The following ZFAT variants were observed in gnomAD, a reference collection of about 807,000 sequenced individuals.
ZFAT encodes the protein zinc finger protein ZFAT.
Under a neutral mutation model 117.7 loss-of-function variants are expected in ZFAT, and 64 were observed. The ratio of observed to expected loss-of-function variants is 0.54; its 90% CI spans 0.44 to 0.67. The LOEUF (loss-of-function observed/expected upper bound fraction) is 0.67. ZFAT is among the 30% of genes least tolerant of loss of function. The pLI is 0.00. For synonymous variants in ZFAT, 679 were observed against 615.0 expected, an observed-to-expected ratio of 1.10 and a Z score of -1.54; for missense variants, 1,433 against 1,584.5, an observed-to-expected ratio of 0.90 and a Z score of 1.62.
the ZFAT span, among the ~76,000 whole-genome samples, chr8:134,790,845 T>G: frequency 6.6e-6 from 1 of 151,762 alleles, no homozygotes; most frequent in Admixed American, 6.6e-5. Context: ...TGAGACTCCA[T>G]CTCTACAAAA....
intron 15 of ZFAT, among the ~76,000 whole-genome samples, chr8:134,490,557 CATCAG>C (rs1817980294): frequency 6.6e-6 from 1 of 152,174 alleles, no homozygotes; most frequent in South Asian, 2.1e-4. Context: ...CATGAGGGGC[CATCAG>C]ATGTACTGCT....
intron 11 of ZFAT, among the ~76,000 whole-genome samples, chr8:134,562,273 C>T (rs540011332): frequency 9.2e-5 from 14 of 152,156 alleles, no homozygotes; most frequent in African/African-American, 3.1e-4. Flanking sequence ...CCTGCCAACA[C>T]CTTGATTTTA....
chr8:134,528,990 G>T (rs955854199), intron 12 of ZFAT, among the ~76,000 whole-genome samples: 1 of 152,188 alleles, frequency 6.6e-6, no homozygotes, highest in Non-Finnish European at 1.5e-5. Context: ...AGAACTTACT[G>T]TCGGCACTCT....
intron 15 of ZFAT, among the ~76,000 whole-genome samples, chr8:134,486,375 C>T (rs907166223): frequency 1.2e-4 from 18 of 152,106 alleles, no homozygotes; most frequent in African/African-American, 3.6e-4. Context: ...GAAACTCCAC[C>T]GACACCTCTG....
chr8:134,693,367 C>T (rs1276320795), intron 1 of ZFAT, among the ~76,000 whole-genome samples: 1 of 152,070 alleles, frequency 6.6e-6, no homozygotes, highest in Non-Finnish European at 1.5e-5. Context: ...ATCTGAGCAC[C>T]AAATTAAACA....
upstream of ZFAT, among the ~76,000 whole-genome samples, chr8:134,718,007 T>G (rs1814230873): frequency 1.3e-5 from 2 of 152,160 alleles, no homozygotes; most frequent in African/African-American, 4.8e-5. Context: ...ATAACAACTG[T>G]TTTTACAAAG....
chr8:134,831,064 C>A, the ZFAT span, among the ~76,000 whole-genome samples: 177 of 152,324 alleles, frequency 1.2e-3, no homozygotes, highest in African/African-American at 4.1e-3. Context: ...TTAACCCTGG[C>A]AGTTACAACT....
chr8:134,664,031 G>A (rs1404247300), intron 1 of ZFAT, among the ~76,000 whole-genome samples: 6 of 152,148 alleles, frequency 3.9e-5, no homozygotes, highest in East Asian at 1.9e-4. Flanking sequence ...GGGAAGTTAC[G>A]GGAGGAGGCA....
chr8:134,732,411 A>G, the ZFAT span, among the ~76,000 whole-genome samples: 1 of 152,184 alleles, frequency 6.6e-6, no homozygotes, highest in Non-Finnish European at 1.5e-5. Flanking sequence ...CTGATGAGGA[A>G]GGGGCTTGTC....
At chr8:134,608,153 A>G (rs1828033068) in intron 5 of ZFAT, among the ~76,000 whole-genome samples, 1 of 152,278 alleles carries the variant, frequency 6.6e-6, no homozygotes, top group South Asian at 2.1e-4. Context: ...TTTTAAAAAA[A>G]AGTTGAAAAC....
intron 10 of ZFAT, 101 bp from the exon 11 acceptor site, chr8:134,565,522 C>T: frequency 9.1e-7 from 1 of 1,093,926 alleles, no homozygotes; most frequent in Non-Finnish European, 1.4e-6. Flanking sequence ...GTGTTCCTTG[C>T]CATGTGAGGA....
the ZFAT span, among the ~76,000 whole-genome samples, chr8:134,772,966 C>T: frequency 2.6e-5 from 4 of 151,946 alleles, no homozygotes; most frequent in Non-Finnish European, 5.9e-5. Context: ...GCAGCATACA[C>T]CTGTAGTCCC....
chr8:134,509,480 T>A, intron 15 of ZFAT, 139 bp downstream of exon 15: 1 of 1,155,958 alleles, frequency 8.7e-7, no homozygotes, highest in Non-Finnish European at 1.2e-6. Context: ...AGAGGTAGAA[T>A]AAGAAAAGGT....
At chr8:134,603,016 C>A (rs1586797550) in intron 5 of ZFAT, 83 bp from the exon 6 acceptor site, 6 of 1,526,224 alleles carry the variant, frequency 3.9e-6, no homozygotes, top group Non-Finnish European at 4.4e-6. Flanking sequence ...GAACCAAACA[C>A]TAAAGGCTGA....
At chr8:134,819,514 C>T in the ZFAT span, among the ~76,000 whole-genome samples, 1 of 125,860 alleles carries the variant, frequency 7.9e-6, no homozygotes, top group Non-Finnish European at 1.7e-5. Context: ...CCCCCGCCCC[C>T]CAACACACCA....
the ZFAT span, among the ~76,000 whole-genome samples, chr8:134,773,984 A>ATTTTTTTTTTTTTTTTTTTT: frequency 1.1e-4 from 11 of 103,296 alleles, no homozygotes; most frequent in African/African-American, 3.9e-4. Context: ...TTGAGGATTA[A>ATTTTTTTTTTTTTTTTTTTT]TTTTTTTTTT....
chr8:134,794,872 A>G, the ZFAT span: 8 of 152,244 alleles, frequency 5.3e-5, no homozygotes, highest in African/African-American at 1.7e-4. Context: ...TGGAAGCAAA[A>G]TAAATTGAAA....
intron 3 of ZFAT, among the ~76,000 whole-genome samples, chr8:134,620,149 T>G (rs902532975): frequency 7.2e-5 from 11 of 152,072 alleles, no homozygotes; most frequent in Non-Finnish European, 1.5e-4. Flanking sequence ...CAGGCAGAGG[T>G]GTGAAAGGCT....
intron 10 of ZFAT, among the ~76,000 whole-genome samples, chr8:134,566,016 C>T (rs1426478063): frequency 1.3e-5 from 2 of 151,826 alleles, no homozygotes; most frequent in Non-Finnish European, 2.9e-5. Context: ...TGCAGAACTC[C>T]TAACTCTGTT....
Sources: allele counts gnomAD v4.1 joint callset (sites outside exome capture counted in the v4.1 genomes callset), GRCh38; gene constraint gnomAD v4.1.1; transcripts MANE v1.5; gene names NCBI Gene and HGNC (gene_info 2026-07-23, HGNC 2026-07-21).